The following MTMR8 variants were observed in gnomAD, a reference collection of about 807,000 sequenced individuals.
The protein encoded by MTMR8 is myotubularin related protein 8, also known as phosphatidylinositol-3,5-bisphosphate 3-phosphatase MTMR8.
A neutral mutation model predicts 39.3 loss-of-function variants in MTMR8; 65 were observed. That is an observed-to-expected ratio of 1.65 (90% CI 1.35 to 2.03). The LOEUF (loss-of-function observed/expected upper bound fraction) is 2.03, where lower values mean the gene tolerates loss of function less well. Among genes scored for constraint, MTMR8 ranks in the 30% most tolerant of loss-of-function variants. MTMR8 has a pLI of 0.00. For missense variants in MTMR8, 777 were observed against 538.9 expected, an observed-to-expected ratio of 1.44 and a Z score of -4.37; for synonymous variants, 245 against 185.2, an observed-to-expected ratio of 1.32 and a Z score of -2.62.
intron 12 of MTMR8, among the ~76,000 whole-genome samples, chrX:64,313,009 A>C (rs1204965621): frequency 8.9e-6 from 1 of 112,045 alleles, no homozygotes; most frequent in Non-Finnish European, 1.9e-5. Context: ...GATTTATTAT[A>C]ATTGTTAAGG....
chrX:64,316,312 T>C (rs2147213566), intron 12 of MTMR8, among the ~76,000 whole-genome samples: 1 of 112,401 alleles, frequency 8.9e-6, no homozygotes, highest in African/African-American at 3.2e-5. Flanking sequence ...AAACACGTTT[T>C]ATTTCATCTG....
chrX:64,337,090 A>G (rs1923096234), intron 9 of MTMR8, among the ~76,000 whole-genome samples, 178 bp downstream of exon 9: 1 of 112,329 alleles, frequency 8.9e-6, no homozygotes, highest in Non-Finnish European at 1.9e-5. Context: ...TTGAACATAC[A>G]AAAGAAAGTA....
At chrX:64,330,682 A>G (rs1414120676) in intron 11 of MTMR8, among the ~76,000 whole-genome samples, 1 of 111,919 alleles carries the variant, frequency 8.9e-6, no homozygotes, top group Non-Finnish European at 1.9e-5. Context: ...TACTAGAACT[A>G]GGCAGATAAC....
At chrX:64,287,013 A>G (rs1921206593) in intron 12 of MTMR8, among the ~76,000 whole-genome samples, 1 of 111,563 alleles carries the variant, frequency 9.0e-6, no homozygotes, top group Non-Finnish European at 1.9e-5. Flanking sequence ...GGAAAAGAGG[A>G]AGTCAAATTG....
At chrX:64,387,953 T>C (rs1285824630) in intron 1 of MTMR8, among the ~76,000 whole-genome samples, 1 of 110,608 alleles carries the variant, frequency 9.0e-6, no homozygotes, top group East Asian at 2.9e-4. Flanking sequence ...ACCCAATTGT[T>C]TTGTTATTTC....
At chrX:64,376,893 G>T (rs1436480901) in intron 1 of MTMR8, among the ~76,000 whole-genome samples, 1 of 112,000 alleles carries the variant, frequency 8.9e-6, no homozygotes, top group African/African-American at 3.2e-5. Flanking sequence ...TGTGGTCTGG[G>T]CCCAGGGCCC....
Position 64,350,041 on chromosome X carries a change from C to T in MTMR8, c.498G>A (p.Val166=), listed in dbSNP as rs372201791. ...EICSTYPPEI[V]VPKSVTLGTV... ...TTCCCAAGGTAACAGATTTAGGAAC[C>T]ACTATTTCAGGAGGGTAGGTGCTGC... Residue 166 remains valine, a synonymous_variant, in exon 5 of 14, where the codon GTG becomes GTA. Transcript: ENST00000374852. 20 of 1,178,267 alleles carry T rather than the reference C, an allele frequency of 1.7e-5. No homozygotes were observed. The East Asian group carries it at 5.5e-4, about 32-fold the overall frequency.
At chrX:64,317,156 C>T (rs1164268011) in intron 12 of MTMR8, among the ~76,000 whole-genome samples, 1 of 108,962 alleles carries the variant, frequency 9.2e-6, no homozygotes. Context: ...ACAAATTTTG[C>T]TATGATGTAT....
In MTMR8 at chrX:64,268,714, C is replaced by T. The variant is rs1889732; in HGVS notation, c.1938G>A (p.Thr646=). The T allele has an allele frequency of 8.9e-4, 1,076 of 1,209,670 alleles. 11 individuals are homozygous for T. In the African/African-American group the frequency reaches 0.017, roughly 19 times the overall value. Residue 646 remains threonine, a synonymous_variant, in exon 14 of 14, where the codon ACG becomes ACA. Transcript: ENST00000374852. ...ISGDMCTFEA[T]GFSKDLGICG... ...AGATTCCTAAGTCTTTGGAGAAGCC[C>T]GTAGCCTCAAAGGTGCACATGTCTC...
intron 8 of MTMR8, among the ~76,000 whole-genome samples, chrX:64,340,858 C>A (rs1415655893): frequency 2.7e-5 from 3 of 111,653 alleles, no homozygotes; most frequent in African/African-American, 9.8e-5. Context: ...TGGCAAAGAT[C>A]AAAAAGATTG....
intron 8 of MTMR8, among the ~76,000 whole-genome samples, chrX:64,338,162 A>T (rs1457478105): frequency 8.9e-6 from 1 of 112,265 alleles, no homozygotes; most frequent in African/African-American, 3.2e-5. Context: ...TTGAAGAAAG[A>T]GCTGGGTTTC....
chrX:64,304,200 G>A (rs1218868827), intron 12 of MTMR8, among the ~76,000 whole-genome samples: 1 of 111,978 alleles, frequency 8.9e-6, no homozygotes. Context: ...AAGGGGTAAG[G>A]GGAAATAGAA....
At chrX:64,394,350 G>A (rs1924767965) in intron 1 of MTMR8, among the ~76,000 whole-genome samples, 1 of 111,810 alleles carries the variant, frequency 8.9e-6, no homozygotes, top group South Asian at 3.8e-4. Context: ...GCTCAGAGAG[G>A]TTAAATAATT....
In MTMR8 at chrX:64,370,930, A is replaced by T. The variant is rs1327606630; in HGVS notation, c.25-11403T>A. Among the ~76,000 whole-genome samples, 42 of 111,749 alleles carry T rather than the reference A, an allele frequency of 3.8e-4. No individual in the cohort carries two copies. In the Admixed American group the frequency reaches 4.0e-3, roughly 11 times the overall value. ...CACTTTGGGAAGCCAAGGTGGGAGG[A>T]TTGCTTGAGCCCAGGAGTTCAACAC... On this transcript the variant is annotated intron_variant, in intron 1 of 13. Coordinates refer to ENST00000374852, the MANE Select transcript of MTMR8 (RefSeq NM_017677.4).
At chrX:64,313,292 T>C (rs762587640) in intron 12 of MTMR8, among the ~76,000 whole-genome samples, 23 of 112,637 alleles carry the variant, frequency 2.0e-4, no homozygotes, top group Non-Finnish European at 3.7e-4. Context: ...TCAGTACTTG[T>C]TGCTTCACCT....
intron 12 of MTMR8, among the ~76,000 whole-genome samples, chrX:64,273,310 A>C (rs1216942392): frequency 9.0e-6 from 1 of 110,897 alleles, no homozygotes; most frequent in Non-Finnish European, 1.9e-5. Context: ...AGAAGAAGAA[A>C]ATGTGTAATG....
At chrX:64,284,471 G>T (rs1921077036) in intron 12 of MTMR8, among the ~76,000 whole-genome samples, 1 of 111,245 alleles carries the variant, frequency 9.0e-6, no homozygotes, top group Admixed American at 9.6e-5. Context: ...GAAATACAGA[G>T]AACACAACAA....
At chrX:64,294,296 T>C (rs1921494112) in intron 12 of MTMR8, among the ~76,000 whole-genome samples, 1 of 111,689 alleles carries the variant, frequency 9.0e-6, no homozygotes, top group Non-Finnish European at 1.9e-5. Flanking sequence ...TGGGAAATAT[T>C]TTGTAGGAGA....
chrX:64,376,052 G>T (rs1465729903), intron 1 of MTMR8, among the ~76,000 whole-genome samples: 1 of 111,774 alleles, frequency 8.9e-6, no homozygotes, highest in East Asian at 2.8e-4. Flanking sequence ...CACCATTATT[G>T]TAAGTTTCCT....
Sources: gnomAD v4.1 joint callset for allele counts (sites outside exome capture counted in the v4.1 genomes callset) on GRCh38, gnomAD v4.1.1 for gene constraint, MANE v1.5 for transcripts, NCBI Gene and HGNC (gene_info 2026-07-23, HGNC 2026-07-21) for gene names.